The following LRCH1 variants were observed in gnomAD, a reference collection of about 807,000 sequenced individuals.
LRCH1 encodes leucine rich repeats and calponin homology domain containing 1.
Under a neutral mutation model 94.9 loss-of-function variants are expected in LRCH1, and 23 were observed. That is an observed-to-expected ratio of 0.24 (90% CI 0.17 to 0.34). The LOEUF (loss-of-function observed/expected upper bound fraction) is 0.34. LRCH1 is among the 10% of genes least tolerant of loss of function. The probability of loss-of-function intolerance (pLI) is 1.00; values close to 1 mark genes in which losing one functional copy is unlikely to be tolerated. For synonymous variants in LRCH1, 364 were observed against 354.9 expected (o/e 1.03, Z -0.29); for missense variants, 790 against 945.9 (o/e 0.84, Z 2.16).
rs147855140 is a variant in LRCH1 at position 46,690,543 on chromosome 13, G to A, written c.1014+1347G>A. On this transcript the variant is annotated intron_variant, in intron 7 of 19. Transcript: ENST00000389797. ...TCCTTTTGTTGTCACTTAAGCATAA[G>A]TAGGATGCTAATATCATTCTAAAAG... Among the ~76,000 whole-genome samples, 1,156 of 152,276 alleles carry A rather than the reference G, an allele frequency of 7.6e-3. 4 individuals are homozygous for A. The highest frequency in any genetic ancestry group is 0.012 in the Non-Finnish European group (799 of 68,008).
At chr13:46,647,710 G>A (rs1006321597) in intron 1 of LRCH1, among the ~76,000 whole-genome samples, 1 of 151,750 alleles carries the variant, frequency 6.6e-6, no homozygotes, top group Non-Finnish European at 1.5e-5. Flanking sequence ...TGCTGTCCTG[G>A]TGCTATTACA....
intron 1 of LRCH1, among the ~76,000 whole-genome samples, chr13:46,644,485 T>A (rs912537774): frequency 6.6e-6 from 1 of 152,130 alleles, no homozygotes; most frequent in Non-Finnish European, 1.5e-5. Flanking sequence ...CAGCAGGGAG[T>A]GAACTAAAAC....
chr13:46,574,341 A>G (rs1252576639), intron 1 of LRCH1, among the ~76,000 whole-genome samples: 4 of 152,112 alleles, frequency 2.6e-5, no homozygotes, highest in Non-Finnish European at 5.9e-5. Flanking sequence ...ACCCCCAGAA[A>G]TTAAAAATTA....
At chr13:46,639,030 A>G (rs982150264) in intron 1 of LRCH1, among the ~76,000 whole-genome samples, 1 of 152,218 alleles carries the variant, frequency 6.6e-6, no homozygotes, top group African/African-American at 2.4e-5. Flanking sequence ...GCAAAGAAAA[A>G]TCCTGGAAAA....
chr13:46,578,659 T>C (rs2050330552), intron 1 of LRCH1, among the ~76,000 whole-genome samples: 1 of 152,226 alleles, frequency 6.6e-6, no homozygotes, highest in South Asian at 2.1e-4. Context: ...TTGGACTCCC[T>C]TGAGAACTGA....
intron 17 of LRCH1, among the ~76,000 whole-genome samples, chr13:46,725,822 A>C (rs1161690813): frequency 6.6e-6 from 1 of 152,240 alleles, no homozygotes; most frequent in East Asian, 1.9e-4. Context: ...GATGTGATGT[A>C]AACTGGGAAG....
At chr13:46,636,681 C>A (rs2051094908) in intron 1 of LRCH1, among the ~76,000 whole-genome samples, 1 of 152,186 alleles carries the variant, frequency 6.6e-6, no homozygotes, top group African/African-American at 2.4e-5. Context: ...ATCTGACAGT[C>A]ATTTCTCAGT....
Position 46,741,824 on chromosome 13 carries a change from C to G in LRCH1, c.2268C>G (p.Tyr756Ter), listed in dbSNP as rs1448908303. The change falls in exon 20 of 20, where the codon TAC (tyrosine) becomes TAG (stop). Residue 756 changes from tyrosine (Y) to a stop codon, truncating the protein, a stop_gained. Transcript: ENST00000389797. LOFTEE classifies it high-confidence loss of function. ...TTATAGTGCTGGTCTATATCACTTA[C>G]CACTGGAATGCTCTGTCCGCATAAT... ...ILFIVLVYIT[Y>*]HWNALSA is the part of the protein sequence containing the mutation. The G allele has an allele frequency of 1.2e-6, 2 of 1,614,136 alleles. No individual in the cohort carries two copies. Among genetic ancestry groups the G allele is most frequent in the Admixed American group, 1.7e-5 (1 of 60,034 alleles).
chr13:46,593,712 C>T (rs1001589558), intron 1 of LRCH1, among the ~76,000 whole-genome samples: 6 of 152,112 alleles, frequency 3.9e-5, no homozygotes, highest in East Asian at 3.9e-4. Flanking sequence ...TCCTTCTGAT[C>T]GCCAGGTCCT....
At chr13:46,647,264 A>G (rs1007845313) in intron 1 of LRCH1, among the ~76,000 whole-genome samples, 4 of 152,164 alleles carry the variant, frequency 2.6e-5, no homozygotes, top group Non-Finnish European at 5.9e-5. Flanking sequence ...TTACATCACC[A>G]TGGCCTCAGC....
intron 1 of LRCH1, among the ~76,000 whole-genome samples, chr13:46,629,221 T>C (rs886631469): frequency 6.6e-6 from 1 of 152,162 alleles, no homozygotes; most frequent in Non-Finnish European, 1.5e-5. Context: ...TAGAGGCCTC[T>C]GTGGGGGAAA....
intron 1 of LRCH1, among the ~76,000 whole-genome samples, chr13:46,578,778 C>T (rs752551254): frequency 5.9e-5 from 9 of 151,504 alleles, no homozygotes; most frequent in Non-Finnish European, 1.3e-4. Context: ...GGGGGATGTA[C>T]GGGGTGTGTG....
At chr13:46,733,885 AAAT>A in intron 18 of LRCH1, 33 bp from the exon 19 acceptor site, 1 of 1,304,500 alleles carries the variant, frequency 7.7e-7, no homozygotes, top group African/African-American at 1.5e-5. Context: ...TTTCTCTTTT[AAAT>A]AATATATTAT....
At chr13:46,745,731 C>T (rs955327167), downstream of LRCH1, among the ~76,000 whole-genome samples, 20 of 152,150 alleles carry the variant, frequency 1.3e-4, no homozygotes, top group Non-Finnish European at 2.9e-4. Context: ...AGTGTAGTGC[C>T]AGGACTTTAT....
At chr13:46,599,146 C>T (rs2050599034) in intron 1 of LRCH1, among the ~76,000 whole-genome samples, 1 of 152,132 alleles carries the variant, frequency 6.6e-6, no homozygotes, top group Non-Finnish European at 1.5e-5. Context: ...CCTTAAGGTC[C>T]ATCCATACTG....
chr13:46,573,866 A>ATATATATTTT, intron 1 of LRCH1, among the ~76,000 whole-genome samples: 4 of 63,394 alleles, frequency 6.3e-5, no homozygotes, highest in East Asian at 6.6e-4. Context: ...ATATATATAT[A>ATATATATTTT]TTTTTTTTTT....
At chr13:46,750,010 A>G (rs1310146703) in intron 18 of LRCH1, among the ~76,000 whole-genome samples, 3 of 152,182 alleles carry the variant, frequency 2.0e-5, no homozygotes, top group Admixed American at 6.5e-5. Flanking sequence ...TATAATTACC[A>G]ATTTATAAAG....
intron 2 of LRCH1, among the ~76,000 whole-genome samples, chr13:46,651,839 T>C (rs2051304964): frequency 2.5e-5 from 3 of 118,586 alleles, no homozygotes; most frequent in Admixed American, 8.4e-5. Flanking sequence ...TAGCTGGGAC[T>C]ACAGGCGCCG....
intron 2 of LRCH1, among the ~76,000 whole-genome samples, chr13:46,661,611 T>C (rs181969262): frequency 1.5e-3 from 233 of 152,304 alleles, no homozygotes; most frequent in Non-Finnish European, 2.6e-3. Context: ...AATCTAGTTA[T>C]TAGTAGTTGT....
Sources: gnomAD v4.1 joint callset for allele counts (sites outside exome capture counted in the v4.1 genomes callset) on GRCh38, gnomAD v4.1.1 for gene constraint, MANE v1.5 for transcripts, NCBI Gene and HGNC (gene_info 2026-07-23, HGNC 2026-07-21) for gene names.